The following ADCY8 variants were observed in gnomAD, a reference collection of about 807,000 sequenced individuals.
ADCY8 encodes the protein adenylate cyclase type 8.
Under a neutral mutation model 119.7 loss-of-function variants are expected in ADCY8, and 51 were observed. The observed-to-expected ratio is 0.43, with a 90% CI of 0.34 to 0.54. ADCY8 has a LOEUF of 0.54. Ranked by LOEUF, ADCY8 falls within the 20% of genes least tolerant of loss-of-function variation. The probability of loss-of-function intolerance (pLI) is 0.03; values close to 1 mark genes in which losing one functional copy is unlikely to be tolerated. For synonymous variants in ADCY8, 665 were observed against 651.0 expected, an observed-to-expected ratio of 1.02 and a Z score of -0.33; for missense variants, 1,383 against 1,598.8, an observed-to-expected ratio of 0.87 and a Z score of 2.30.
At chr8:130,936,073 ATGTGTGTGTGTGTGTGTGTGTGTG>A (rs35028784) in intron 5 of ADCY8, among the ~76,000 whole-genome samples, 1 of 147,068 alleles carries the variant, frequency 6.8e-6, no homozygotes, top group Non-Finnish European at 1.5e-5. Flanking sequence ...AAGCACTGAC[ATGTGTGTGTGTGTGTGTGTGTGTG>A]TGTGTGTGTG....
intron 2 of ADCY8, among the ~76,000 whole-genome samples, chr8:130,985,539 G>T (rs932586402): frequency 6.6e-6 from 1 of 152,196 alleles, no homozygotes; most frequent in Non-Finnish European, 1.5e-5. Context: ...TGACTTGGAA[G>T]TAAGAGGTTT....
chr8:130,830,327 C>T (rs1462523758), intron 12 of ADCY8, among the ~76,000 whole-genome samples: 2 of 152,132 alleles, frequency 1.3e-5, no homozygotes, highest in Non-Finnish European at 2.9e-5. Context: ...GATAAGATGG[C>T]ACCAGTCAAC....
At chr8:130,913,297 T>C (rs1185802071) in intron 5 of ADCY8, among the ~76,000 whole-genome samples, 4 of 152,098 alleles carry the variant, frequency 2.6e-5, no homozygotes, top group African/African-American at 9.7e-5. Context: ...CTTTTTTCTA[T>C]TTTTTTCTAC....
Position 130,847,522 on chromosome 8 carries a change from T to TA in ADCY8, c.2413-10dup, listed in dbSNP as rs5895060. 98,791 of 1,428,634 alleles carry TA rather than the reference T, an allele frequency of 0.069. 2,146 individuals are homozygous for TA. Among genetic ancestry groups the TA allele is most frequent in the African/African-American group, 0.26 (16,844 of 63,756 alleles). The allele number at this position is 1,428,634 out of a possible 1,614,324, so 88.5% of individuals were successfully genotyped here. A position where few individuals can be genotyped will look rare whatever the true frequency, so the allele number is the denominator to read the frequency against. ...TCAAAATCACACCACAGCTGCGGAT[T>TA]AAAAAAAAAAAAAAAAGAACAACAA... is the stretch of plus-strand genomic sequence containing the variant. On this transcript the variant is annotated splice_polypyrimidine_tract_variant and intron_variant, in intron 10 of 17. Transcript: ENST00000286355.
intron 11 of ADCY8, among the ~76,000 whole-genome samples, chr8:130,846,890 T>C (rs66856578): frequency 0.16 from 4,030 of 25,334 alleles, 579 homozygotes; most frequent in South Asian, 0.29. Context: ...CCCTTCCCTT[T>C]CCTTCCTTCC....
At chr8:130,984,494 T>A (rs1158963963) in intron 2 of ADCY8, among the ~76,000 whole-genome samples, 10 of 147,404 alleles carry the variant, frequency 6.8e-5, no homozygotes, top group South Asian at 2.2e-4. Flanking sequence ...TTTTTTTTTT[T>A]AATTTCATAG....
chr8:130,914,272 G>C (rs768057731), intron 5 of ADCY8, among the ~76,000 whole-genome samples: 1 of 152,168 alleles, frequency 6.6e-6, no homozygotes, highest in South Asian at 2.1e-4. Flanking sequence ...TGTGAGCCCC[G>C]AAGGATATAA....
At chr8:130,829,013 A>G (rs1221943635) in intron 12 of ADCY8, among the ~76,000 whole-genome samples, 1 of 152,204 alleles carries the variant, frequency 6.6e-6, no homozygotes, top group Admixed American at 6.5e-5. Context: ...GGAGCCAGGC[A>G]GGTCACAAAA....
At chr8:130,982,125 T>A (rs1258234625) in intron 2 of ADCY8, among the ~76,000 whole-genome samples, 1 of 152,190 alleles carries the variant, frequency 6.6e-6, no homozygotes, top group Non-Finnish European at 1.5e-5. Flanking sequence ...GGCAGCCAGA[T>A]GGAACACAAG....
intron 6 of ADCY8, among the ~76,000 whole-genome samples, chr8:130,905,589 T>C (rs1289578386): frequency 1.3e-5 from 2 of 152,194 alleles, no homozygotes; most frequent in African/African-American, 4.8e-5. Flanking sequence ...GAGTGGCTTT[T>C]AAAAATGCAC....
chr8:130,897,834 A>G (rs1417600459), intron 7 of ADCY8, among the ~76,000 whole-genome samples: 5 of 142,114 alleles, frequency 3.5e-5, no homozygotes, highest in African/African-American at 1.0e-4. Context: ...CACCACATAC[A>G]CAGCAAACAT....
At chr8:131,010,263 T>G (rs1823259348) in intron 1 of ADCY8, among the ~76,000 whole-genome samples, 1 of 152,220 alleles carries the variant, frequency 6.6e-6, no homozygotes, top group Non-Finnish European at 1.5e-5. Context: ...CTTATTAGTA[T>G]CAATGTTAAT....
chr8:131,019,154 T>C (rs999607349), intron 1 of ADCY8, among the ~76,000 whole-genome samples: 1 of 152,200 alleles, frequency 6.6e-6, no homozygotes, highest in African/African-American at 2.4e-5. Flanking sequence ...CTGGTGTATA[T>C]TAGGCAATCT....
In ADCY8 at chr8:130,836,350, T is replaced by A; in HGVS notation, c.2602A>T (p.Ile868Phe). The A allele has an allele frequency of 6.2e-7, 1 of 1,613,944 alleles. No individual in the cohort carries two copies. Among genetic ancestry groups the A allele is most frequent in the Non-Finnish European group, 8.5e-7 (1 of 1,179,910 alleles). ...ACGGTCTCAGTGAGCAGGGCATAGA[T>A]GGCAATCATGATCAGCAGCACTGCC... Reference protein sequence around the residue: ...KLAVLLIMIAIYALLTETVYA... With the variant: ...KLAVLLIMIAFYALLTETVYA... Residue 868 changes from isoleucine (I) to phenylalanine (F), a missense_variant, in exon 12 of 18, where the codon ATC (isoleucine) becomes TTC (phenylalanine). Around this residue, in one of 2 missense-constraint regions of ADCY8, gnomAD observed 928 missense variants for 1,163.5 expected, o/e 0.80. Coordinates refer to ENST00000286355, the MANE Select transcript of ADCY8 (RefSeq NM_001115.3).
At chr8:130,951,371 T>TAAG (rs1406380919) in intron 3 of ADCY8, among the ~76,000 whole-genome samples, 1 of 151,822 alleles carries the variant, frequency 6.6e-6, no homozygotes, top group Non-Finnish European at 1.5e-5. Flanking sequence ...GATGGGGGAG[T>TAAG]AAGTGGGAAG....
intron 13 of ADCY8, among the ~76,000 whole-genome samples, chr8:130,816,427 C>T (rs56146115): frequency 0.25 from 29,917 of 121,230 alleles, 3,780 homozygotes; most frequent in Middle Eastern, 0.28. Flanking sequence ...ATTTTTTTTT[C>T]TTTTTTTTTT....
At chr8:130,825,540 C>T (rs1184101477) in intron 12 of ADCY8, among the ~76,000 whole-genome samples, 1 of 152,170 alleles carries the variant, frequency 6.6e-6, no homozygotes. Context: ...GTAACTCAGA[C>T]TGATGAGGTG....
At chr8:130,934,527 G>A (rs958533903) in intron 5 of ADCY8, among the ~76,000 whole-genome samples, 1 of 152,140 alleles carries the variant, frequency 6.6e-6, no homozygotes, top group Non-Finnish European at 1.5e-5. Flanking sequence ...AATTTGACAT[G>A]AGATTTGGGT....
intron 11 of ADCY8, among the ~76,000 whole-genome samples, chr8:130,839,590 G>C (rs1817081057): frequency 7.1e-6 from 1 of 140,320 alleles, no homozygotes; most frequent in African/African-American, 2.4e-5. Flanking sequence ...CTTTTGCTGG[G>C]TCTGGACCCA....
Sources: allele counts gnomAD v4.1 joint callset (sites outside exome capture counted in the v4.1 genomes callset), GRCh38; gene constraint gnomAD v4.1.1; regional missense constraint gnomAD v4.1.1; transcripts MANE v1.5; gene names NCBI Gene and HGNC (gene_info 2026-07-23, HGNC 2026-07-21).